MEGF9: variants seen among roughly 807,000 people sequenced by gnomAD.
MEGF9 encodes the protein multiple epidermal growth factor-like domains protein 9.
MEGF9 carries 6 observed loss-of-function variants against 46.8 expected under a neutral mutation model. The observed-to-expected ratio is 0.13, with a 90% CI of 0.07 to 0.25. The LOEUF is 0.25. Ranked by LOEUF, MEGF9 falls within the 10% of genes least tolerant of loss-of-function variation. The probability of loss-of-function intolerance (pLI) is 1.00; values close to 1 mark genes in which losing one functional copy is unlikely to be tolerated. For synonymous variants in MEGF9, 302 were observed against 330.7 expected (o/e 0.91, Z 0.94); for missense variants, 683 against 792.4 (o/e 0.86, Z 1.66).
rs1446717901 is a variant in MEGF9 at position 120,605,177 on chromosome 9, C to T, written c.*13G>A. On this transcript the variant is annotated 3_prime_UTR_variant, in exon 6 of 6. Coordinates refer to ENST00000373930, the MANE Select transcript of MEGF9 (RefSeq NM_001080497.3). This position sits in a 1 kb window ranked among gnomAD's most constrained non-coding sequence, Gnocchi z 4.0. ...AGCACTGTGGTTTAACAATTCAGAA[C>T]AGTTCTAGCTCCTTAGGCTTTGTAG... The T allele has an allele frequency of 6.2e-7, 1 of 1,600,276 alleles. No homozygotes were observed. Among genetic ancestry groups the T allele is most frequent in the Non-Finnish European group, 8.5e-7 (1 of 1,172,974 alleles).
intron 2 of MEGF9, among the ~76,000 whole-genome samples, chr9:120,639,976 A>C (rs1411288322): frequency 2.0e-5 from 3 of 152,244 alleles, no homozygotes; most frequent in Admixed American, 6.5e-5. Flanking sequence ...GCCATATATC[A>C]AATGTCTTTA....
intron 1 of MEGF9, among the ~76,000 whole-genome samples, chr9:120,679,643 G>A (rs1004540564): frequency 6.6e-6 from 1 of 151,846 alleles, no homozygotes; most frequent in Non-Finnish European, 1.5e-5. Context: ...AAGAGAGAGA[G>A]ACAGAGAGAC....
intron 1 of MEGF9, among the ~76,000 whole-genome samples, chr9:120,683,171 C>T (rs1386486951): frequency 2.0e-5 from 3 of 152,174 alleles, no homozygotes; most frequent in East Asian, 1.9e-4. Flanking sequence ...CTCAAAATCA[C>T]CTGGAGAGTA....
rs1447089549 is a variant in MEGF9 at position 120,625,904 on chromosome 9, T to C, written c.804-3149A>G. Among the ~76,000 whole-genome samples the C allele has an allele frequency of 2.0e-5, 3 of 151,706 alleles. No individual in the cohort carries two copies. The East Asian group carries it at 5.8e-4, about 29-fold the overall frequency. ...AAATATAAAGCTTTGCCTGTGTGAC[T>C]TCCTTCGTAGAATAAAGACTTTACA... On this transcript the variant is annotated intron_variant, in intron 2 of 5. Transcript: ENST00000373930.
At chr9:120,650,199 C>T (rs945634732) in intron 2 of MEGF9, among the ~76,000 whole-genome samples, 32 of 152,172 alleles carry the variant, frequency 2.1e-4, no homozygotes, top group East Asian at 5.8e-4. Flanking sequence ...ACACGGGAGG[C>T]GGAGGTTGTA....
rs534144150 is a variant in MEGF9, at chr9:120,699,976, T to C, written c.601+13782A>G. Among the ~76,000 whole-genome samples, 106 of 152,302 alleles carry C rather than the reference T, an allele frequency of 7.0e-4. 1 individual carries two copies. The South Asian group carries it at 0.02, about 29-fold the overall frequency. ...AAATATATTTTGTGTAAAGAAGCCA[T>C]ATATAAATGAATGTGTTTATTTCTT... On this transcript the variant is annotated intron_variant, in intron 1 of 5. Transcript: ENST00000373930.
intron 1 of MEGF9, among the ~76,000 whole-genome samples, chr9:120,686,348 G>A (rs1208585859): frequency 6.6e-6 from 1 of 152,200 alleles, no homozygotes; most frequent in Non-Finnish European, 1.5e-5. Context: ...GAAGTGCTGG[G>A]ATTACAATCG....
intron 2 of MEGF9, among the ~76,000 whole-genome samples, chr9:120,652,478 TAAAAAAA>T (rs57268783): frequency 3.5e-5 from 3 of 85,624 alleles, no homozygotes; most frequent in East Asian, 3.4e-4. Flanking sequence ...GATCTTGTCT[TAAAAAAA>T]AAAAAAAAAA....
At chr9:120,631,251 A>G (rs2043549306) in intron 2 of MEGF9, among the ~76,000 whole-genome samples, 2 of 152,180 alleles carry the variant, frequency 1.3e-5, no homozygotes, top group African/African-American at 4.8e-5. Context: ...ATTCTCAATG[A>G]ATGTTTTTGG....
intron 3 of MEGF9, among the ~76,000 whole-genome samples, chr9:120,621,841 G>A (rs2043500663): frequency 6.6e-6 from 1 of 152,078 alleles, no homozygotes; most frequent in African/African-American, 2.4e-5. Flanking sequence ...CTTGAGGGTG[G>A]ACTGTAATTT....
chr9:120,672,433 AAAATAAATAAATAAAT>A (rs145401927), intron 1 of MEGF9, among the ~76,000 whole-genome samples: 60 of 144,868 alleles, frequency 4.1e-4, no homozygotes, highest in African/African-American at 1.6e-3. Context: ...TCTCTACAGA[AAAATAAATAAATAAAT>A]AAATAAATAA....
chr9:120,712,122 G>C (rs977057711), intron 1 of MEGF9, among the ~76,000 whole-genome samples: 8 of 152,090 alleles, frequency 5.3e-5, no homozygotes, highest in Non-Finnish European at 2.9e-5. Context: ...GCTGGGTGTG[G>C]TGACCCACGC....
Position 120,618,848 on chromosome 9 carries a change from C to T in MEGF9, c.943+3768G>A, listed in dbSNP as rs536829719. ...CCGGGAGCCAGAGGTTGCAGTGAGC[C>T]GAGATCGTGCCATGTACTCCAGCCT... On this transcript the variant is annotated intron_variant, in intron 3 of 5. Transcript: ENST00000373930. 1.4e-4 allele frequency among the ~76,000 whole-genome samples: 21 copies of T among 149,682 alleles called. 1 individual carries two copies. In the South Asian group the frequency reaches 3.0e-3, roughly 21 times the overall value.
At chr9:120,612,623 G>C in intron 3 of MEGF9, 84 bp from the exon 4 acceptor site, 1 of 1,276,322 alleles carries the variant, frequency 7.8e-7, no homozygotes, top group Admixed American at 2.6e-5. Flanking sequence ...GCAACAAAAA[G>C]ATCATAAGAA....
At chr9:120,634,446 C>CATTTTTTTTTTTTT (rs2043564658) in intron 2 of MEGF9, among the ~76,000 whole-genome samples, 3 of 46,908 alleles carry the variant, frequency 6.4e-5, no homozygotes. Flanking sequence ...TGTGGAATAT[C>CATTTTTTTTTTTTT]TTTTTTTTTT....
chr9:120,680,785 C>T (rs1564426754), intron 1 of MEGF9, among the ~76,000 whole-genome samples: 1 of 152,076 alleles, frequency 6.6e-6, no homozygotes, highest in Non-Finnish European at 1.5e-5. Flanking sequence ...CCCCTTTCCA[C>T]AGGCACAGGA....
At chr9:120,626,112 G>A (rs556396915) in intron 2 of MEGF9, among the ~76,000 whole-genome samples, 2 of 152,242 alleles carry the variant, frequency 1.3e-5, no homozygotes, top group East Asian at 1.9e-4. Flanking sequence ...GAGAATAAAT[G>A]TGTAGAACTG....
At chr9:120,670,750 C>A (rs769218698) in intron 1 of MEGF9, among the ~76,000 whole-genome samples, 2 of 152,116 alleles carry the variant, frequency 1.3e-5, no homozygotes, top group African/African-American at 4.8e-5. Flanking sequence ...CCTCCAACTG[C>A]GCTCTTTATC....
intron 1 of MEGF9, among the ~76,000 whole-genome samples, chr9:120,687,702 GTGTGT>G (rs2043829507): frequency 6.8e-6 from 1 of 146,740 alleles, no homozygotes; most frequent in Non-Finnish European, 1.5e-5. Context: ...GTGTGTGTGT[GTGTGT>G]GTAAACATTT....
Sources: allele counts gnomAD v4.1 joint callset (sites outside exome capture counted in the v4.1 genomes callset), GRCh38; gene constraint gnomAD v4.1.1; non-coding constraint Gnocchi (gnomAD v3.1); transcripts MANE v1.5; gene names NCBI Gene and HGNC (gene_info 2026-07-23, HGNC 2026-07-21).